Variants in PDLIM5 observed in about 807,000 individuals in gnomAD.
PDLIM5 encodes PDZ and LIM domain 5.
Under a neutral mutation model 64.2 loss-of-function variants are expected in PDLIM5, and 34 were observed. The observed-to-expected ratio is 0.53, with a 90% CI of 0.40 to 0.71. PDLIM5 has a LOEUF of 0.71. PDLIM5 is among the 30% of genes least tolerant of loss of function. The pLI is 0.00. For synonymous variants in PDLIM5, 253 were observed against 269.1 expected (o/e 0.94, Z 0.59); for missense variants, 683 against 733.6 (o/e 0.93, Z 0.80).
At chr4:94,564,169 G>A (rs1046124048) in intron 3 of PDLIM5, among the ~76,000 whole-genome samples, 3 of 151,894 alleles carry the variant, frequency 2.0e-5, no homozygotes, top group Non-Finnish European at 4.4e-5. Context: ...TCACCATGTT[G>A]GCCAGGGTGG....
At chr4:94,609,046 A>G (rs1034908040) in intron 7 of PDLIM5, among the ~76,000 whole-genome samples, 1 of 152,086 alleles carries the variant, frequency 6.6e-6, no homozygotes, top group Admixed American at 6.5e-5. Context: ...TTTTTTTTCT[A>G]ATCGTTTTTG....
Position 94,586,425 on chromosome 4 carries a change from G to A in PDLIM5, c.901G>A (p.Asp301Asn), listed in dbSNP as rs760060213. The change falls in exon 7 of 13, where the codon GAT becomes AAT. Residue 301 changes from aspartate to asparagine, a missense_variant. Asp to Asn is a conservative substitution (Grantham distance 23). Coordinates refer to ENST00000317968, the MANE Select transcript of PDLIM5 (RefSeq NM_006457.5). ...GTEHLKESEA[D>N]NTKKANNSQE... ...TATTTCAGTGAAAGAATCTGAAGCC[G>A]ATAATACAAAGAAGGCAAAGTAAGT... 33 of 1,520,386 alleles carry A rather than the reference G, an allele frequency of 2.2e-5. No individual in the cohort carries two copies. The highest frequency in any genetic ancestry group is 4.6e-5 in the South Asian group (4 of 86,834). 94.2% of individuals were successfully genotyped at this position (1,520,386 alleles called of 1,614,324 possible).
rs568867622 is a variant in PDLIM5, at chr4:94,546,127, T to G, written c.248+22252T>G. 3.3e-5 allele frequency among the ~76,000 whole-genome samples: 5 copies of G among 152,354 alleles called. No individual in the cohort carries two copies. The South Asian group carries it at 1.0e-3, about 32-fold the overall frequency. On this transcript the variant is annotated intron_variant, in intron 3 of 12. Coordinates refer to ENST00000317968, the MANE Select transcript of PDLIM5 (RefSeq NM_006457.5). ...ACAAATGATGGATATAAAATTTGTT[T>G]TGACCATTTATGATGCTTGCTTTGG...
At chr4:94,633,425 T>C (rs1027424072) in intron 8 of PDLIM5, among the ~76,000 whole-genome samples, 1 of 152,258 alleles carries the variant, frequency 6.6e-6, no homozygotes, top group African/African-American at 2.4e-5. Context: ...TTTTTCTAAA[T>C]GCTGAAACTG....
chr4:94,661,599 G>A (rs572489004), intron 11 of PDLIM5, among the ~76,000 whole-genome samples: 1 of 152,264 alleles, frequency 6.6e-6, no homozygotes, highest in African/African-American at 2.4e-5. Context: ...TAATATCGTT[G>A]TGATACAGTC....
At chr4:94,535,339 T>A (rs1731225244) in intron 3 of PDLIM5, among the ~76,000 whole-genome samples, 1 of 152,214 alleles carries the variant, frequency 6.6e-6, no homozygotes, top group Non-Finnish European at 1.5e-5. Context: ...CTTGCTCTTC[T>A]GCTCACTGAA....
intron 9 of PDLIM5, among the ~76,000 whole-genome samples, chr4:94,647,652 T>C (rs1741523141): frequency 1.3e-5 from 2 of 152,148 alleles, no homozygotes; most frequent in African/African-American, 4.8e-5. Context: ...CCAAGTATAC[T>C]TCACCAGATA....
At chr4:94,571,050 T>C (rs1383746204) in intron 3 of PDLIM5, among the ~76,000 whole-genome samples, 4 of 152,236 alleles carry the variant, frequency 2.6e-5, no homozygotes, top group Non-Finnish European at 5.9e-5. Context: ...TTTAGGAAAC[T>C]ACATTAATTA....
chr4:94,657,333 C>G, intron 10 of PDLIM5, 94 bp from the exon 11 acceptor site: 1 of 852,902 alleles, frequency 1.2e-6, no homozygotes, highest in Non-Finnish European at 1.9e-6. Context: ...TTTGGATTAG[C>G]TCTACAGGGA....
At chr4:94,570,146 T>C (rs1734686424) in intron 3 of PDLIM5, among the ~76,000 whole-genome samples, 1 of 152,136 alleles carries the variant, frequency 6.6e-6, no homozygotes, top group Admixed American at 6.5e-5. Context: ...CTTAGAGAAG[T>C]ATTATAATTA....
intron 3 of PDLIM5, among the ~76,000 whole-genome samples, chr4:94,530,547 A>ATATATATAT (rs1730778788): frequency 3.1e-5 from 4 of 131,082 alleles, no homozygotes; most frequent in African/African-American, 8.6e-5. Flanking sequence ...ATATATATAT[A>ATATATATAT]GTTTTTCTAC....
intron 4 of PDLIM5, chr4:94,573,786 A>T (rs1044019221): frequency 1.0e-5 from 2 of 190,754 alleles, no homozygotes; most frequent in African/African-American, 4.7e-5. Flanking sequence ...ATTTCAGAGT[A>T]TTCTTAGGTT....
In PDLIM5 at chr4:94,522,100, G is replaced by A. The variant is rs773242761; in HGVS notation, c.97-1624G>A. 1.2e-4 allele frequency among the ~76,000 whole-genome samples: 18 copies of A among 152,208 alleles called. No homozygotes were observed. In the South Asian group the frequency reaches 1.2e-3, roughly 11 times the overall value. On this transcript the variant is annotated intron_variant, in intron 2 of 12. Transcript: ENST00000317968. Reference sequence around the variant, plus strand: ...GGGACCTTAGAAGGCCTCTGAGATCGTCTAGTGCAGGCCCTGCATTTCTCA... The same window carrying A: ...GGGACCTTAGAAGGCCTCTGAGATCATCTAGTGCAGGCCCTGCATTTCTCA...
In PDLIM5 at chr4:94,618,187, A is replaced by G. The variant is rs752431936; in HGVS notation, c.1104A>G (p.Gln368=). The change falls in exon 8 of 13, where the codon CAA becomes CAG. Residue 368 remains glutamine, a synonymous_variant. Coordinates refer to ENST00000317968, the MANE Select transcript of PDLIM5 (RefSeq NM_006457.5). The part of the protein sequence containing the change: ...IKSPSWQRPN[Q]GVPSTGRISN... ...CACCAAGCTGGCAACGGCCAAACCA[A>G]GGAGGTAGCCCAGAGAAATCTCTTG... 2.6e-5 allele frequency: 41 copies of G among 1,594,214 alleles called. 1 individual carries two copies. The highest frequency in any genetic ancestry group is 3.3e-5 in the Non-Finnish European group (39 of 1,170,128).
intron 2 of PDLIM5, among the ~76,000 whole-genome samples, chr4:94,476,814 G>A (rs1165398341): frequency 6.6e-6 from 1 of 152,142 alleles, no homozygotes; most frequent in East Asian, 1.9e-4. Flanking sequence ...CTTTCTTGCT[G>A]TGTAACCTAG....
intron 4 of PDLIM5, among the ~76,000 whole-genome samples, chr4:94,574,162 A>T (rs1735046474): frequency 6.6e-6 from 1 of 152,200 alleles, no homozygotes; most frequent in African/African-American, 2.4e-5. Flanking sequence ...TCGTGTGGGC[A>T]CTAAGCTACT....
intron 7 of PDLIM5, among the ~76,000 whole-genome samples, chr4:94,592,085 A>AT (rs201557173): frequency 6.6e-6 from 1 of 152,168 alleles, no homozygotes; most frequent in Admixed American, 6.5e-5. Flanking sequence ...CATTTACTTT[A>AT]TTTTTTTGCC....
At position 94,668,210 on chromosome 4, in the gene PDLIM5, T is replaced by G. The variant is rs558987066; in HGVS notation, c.*4143T>G. Reference sequence around the variant, plus strand: ...TGCACATACTCAATAAATAAATGACTGCATTGTTGTAAATGAGCTCTCCTT... The same window carrying G: ...TGCACATACTCAATAAATAAATGACGGCATTGTTGTAAATGAGCTCTCCTT... On this transcript the variant is annotated 3_prime_UTR_variant, in exon 13 of 13. Coordinates refer to ENST00000317968, the MANE Select transcript of PDLIM5 (RefSeq NM_006457.5). The G allele has an allele frequency of 6.6e-6, 1 of 152,324 alleles. No individual in the cohort carries two copies. Among genetic ancestry groups the G allele is most frequent in the South Asian group, 2.1e-4 (1 of 4,832 alleles). 9.4% of individuals were successfully genotyped at this position (152,324 alleles called of 1,614,324 possible).
rs117778221 is a variant in PDLIM5, at chr4:94,646,653, C to G, written c.1283+6203C>G. Among the ~76,000 whole-genome samples, 3 of 152,140 alleles carry G rather than the reference C, an allele frequency of 2.0e-5. No homozygotes were observed. In the East Asian group the frequency reaches 5.8e-4, roughly 29 times the overall value. On this transcript the variant is annotated intron_variant, in intron 9 of 12. Coordinates refer to ENST00000317968, the MANE Select transcript of PDLIM5 (RefSeq NM_006457.5). ...TAAGGATTATCCAACTTTAACAAACCAATTTATTTTATTTGAAAAGAATGG... is the reference window on the plus strand; with the variant it reads ...TAAGGATTATCCAACTTTAACAAACGAATTTATTTTATTTGAAAAGAATGG...
Sources: allele counts gnomAD v4.1 joint callset (sites outside exome capture counted in the v4.1 genomes callset), GRCh38; gene constraint gnomAD v4.1.1; transcripts MANE v1.5; gene names NCBI Gene and HGNC (gene_info 2026-07-23, HGNC 2026-07-21).